Variants in GPATCH1 observed in about 807,000 individuals in gnomAD.
GPATCH1 encodes G-patch domain containing 1.
In GPATCH1, 73 loss-of-function variants were observed where a neutral mutation model predicts 114.9. That is an observed-to-expected ratio of 0.64 (90% CI 0.53 to 0.77). The LOEUF (loss-of-function observed/expected upper bound fraction) is 0.77. Among genes scored for constraint, GPATCH1 ranks in the 30% least tolerant of loss-of-function variants. The probability of loss-of-function intolerance (pLI) is 0.00; values close to 1 mark genes in which losing one functional copy is unlikely to be tolerated. For synonymous variants in GPATCH1, 391 were observed against 428.4 expected (o/e 0.91, Z 1.08); for missense variants, 1,058 against 1,144.3 (o/e 0.92, Z 1.09).
At chr19:33,099,248 G>A (rs922567611) in intron 8 of GPATCH1, among the ~76,000 whole-genome samples, 3 of 151,036 alleles carry the variant, frequency 2.0e-5, no homozygotes, top group East Asian at 3.9e-4. Context: ...GTATGAAATT[G>A]ATAATATCCT....
At chr19:33,081,436 C>T (rs1972475158) in intron 1 of GPATCH1, among the ~76,000 whole-genome samples, 170 bp downstream of exon 1, 1 of 152,070 alleles carries the variant, frequency 6.6e-6, no homozygotes, top group South Asian at 2.1e-4. Context: ...CCTTCTGCAG[C>T]GACAGAGAGA....
chr19:33,097,229 C>T (rs1274884469), intron 7 of GPATCH1, among the ~76,000 whole-genome samples: 1 of 152,246 alleles, frequency 6.6e-6, no homozygotes, highest in Admixed American at 6.5e-5. Context: ...CAGGCGTGAG[C>T]CACTGCGCCC....
chr19:33,085,096 A>G (rs1387570070), intron 1 of GPATCH1, among the ~76,000 whole-genome samples: 1 of 152,200 alleles, frequency 6.6e-6, no homozygotes, highest in Non-Finnish European at 1.5e-5. Context: ...GAAGTGCTCC[A>G]GTACGTGCAG....
chr19:33,083,106 T>TGG lies in GPATCH1; in HGVS notation c.73+1848_73+1849dup, dbSNP rs59963268. On this transcript the variant is annotated intron_variant, in intron 1 of 19. Transcript: ENST00000170564. ...ACAAAAAAAAATTAGCTGGGCGTGG[T>TGG]GGGGGGGGGCTCATGTAGTCCCAGC... is the stretch of plus-strand genomic sequence containing the variant. 9.7e-4 allele frequency among the ~76,000 whole-genome samples: 138 copies of TGG among 141,652 alleles called. 1 individual carries two copies. Among genetic ancestry groups the TGG allele is most frequent in the Non-Finnish European group, 1.3e-3 (81 of 64,486 alleles). The allele number at this position is 141,652 out of a possible 152,430, so 92.9% of individuals were successfully genotyped here.
intron 11 of GPATCH1, 64 bp downstream of exon 11, chr19:33,110,080 A>G (rs1972835434): frequency 7.5e-7 from 1 of 1,329,414 alleles, no homozygotes; most frequent in African/African-American, 1.5e-5. Context: ...CACTGTTCTC[A>G]TCCTAGACCC....
At chr19:33,100,256 A>G (rs1248369030) in intron 8 of GPATCH1, 1 of 152,068 alleles carries the variant, frequency 6.6e-6, no homozygotes, top group Admixed American at 6.6e-5. Flanking sequence ...TGAATCCCAC[A>G]TTACCTGAAG....
chr19:33,096,665 G>C (rs1972663680), intron 7 of GPATCH1, among the ~76,000 whole-genome samples: 1 of 151,772 alleles, frequency 6.6e-6, no homozygotes, highest in South Asian at 2.1e-4. Flanking sequence ...GTTTCGCTCT[G>C]TTACCCAGGC....
chr19:33,121,275 G>A (rs532613906), intron 17 of GPATCH1, among the ~76,000 whole-genome samples: 3 of 149,018 alleles, frequency 2.0e-5, no homozygotes, highest in African/African-American at 7.5e-5. Flanking sequence ...ACCACTGCAC[G>A]CAGCCAAGCC....
At chr19:33,111,385 GAAAAAA>G (rs10709432) in intron 11 of GPATCH1, among the ~76,000 whole-genome samples, 2 of 88,146 alleles carry the variant, frequency 2.3e-5, no homozygotes, top group African/African-American at 8.5e-5. Flanking sequence ...CTCCATCTCA[GAAAAAA>G]AAAAAAAAAA....
At position 33,130,144 on chromosome 19, in the gene GPATCH1, C is replaced by T. The variant is rs1973087878; in HGVS notation, c.2780C>T (p.Pro927Leu). 1.2e-6 allele frequency: 2 copies of T among 1,610,744 alleles called. No individual in the cohort carries two copies. The highest frequency in any genetic ancestry group is 3.3e-5 in the Admixed American group (2 of 59,946). ...QELLRRLKSL[P>L]LRRQ The stretch of plus-strand genomic sequence containing the variant: ...TTCTTTTCCAGGCTGAAAAGTCTTC[C>T]ACTAAGAAGGCAGTAATTGAATGCT... The change falls in exon 20 of 20, where the codon CCA becomes CTA. Residue 927 changes from proline to leucine, a missense_variant. Physicochemically the swap from Pro to Leu is moderately conservative, Grantham distance 98. This residue lies in a region of GPATCH1 where 893 missense variants were observed against 977.4 expected (regional missense o/e 0.91). Coordinates refer to ENST00000170564, the MANE Select transcript of GPATCH1 (RefSeq NM_018025.3).
At chr19:33,111,385 G>GAAAAAAA (rs10709432) in intron 11 of GPATCH1, among the ~76,000 whole-genome samples, 1 of 88,146 alleles carries the variant, frequency 1.1e-5, no homozygotes, top group Non-Finnish European at 2.3e-5. Flanking sequence ...CTCCATCTCA[G>GAAAAAAA]AAAAAAAAAA....
At chr19:33,088,734 G>A (rs1972562245) in intron 2 of GPATCH1, among the ~76,000 whole-genome samples, 1 of 143,948 alleles carries the variant, frequency 6.9e-6, no homozygotes, top group African/African-American at 2.7e-5. Flanking sequence ...TTGGCTCACT[G>A]CAACCTCCGC....
chr19:33,092,753 C>G (rs920242010), intron 3 of GPATCH1, among the ~76,000 whole-genome samples: 5 of 152,230 alleles, frequency 3.3e-5, no homozygotes, highest in African/African-American at 1.2e-4. Flanking sequence ...TTCACGCTGA[C>G]CTTTGAGATA....
rs1972649582 is a variant in GPATCH1 at position 33,095,703 on chromosome 19, G to A, written c.554-59G>A. 2.5e-6 allele frequency: 3 copies of A among 1,200,472 alleles called. No individual in the cohort carries two copies. In the Admixed American group the frequency reaches 5.0e-5, roughly 20 times the overall value. 74.4% of individuals were successfully genotyped at this position (1,200,472 alleles called of 1,614,324 possible). A position where few individuals can be genotyped will look rare whatever the true frequency, so the allele number is the denominator to read the frequency against. ...AGGTGTGATCCACCGCGCCCGGCCT[G>A]GTCGGGGTTTTCTATTTGTAGTCAC... On this transcript the variant is annotated intron_variant, in intron 5 of 19. Coordinates refer to ENST00000170564, the MANE Select transcript of GPATCH1 (RefSeq NM_018025.3).
rs1167304908 is a variant in GPATCH1, at chr19:33,114,290, C to T, written c.2067C>T (p.His689=). 9.3e-6 allele frequency: 15 copies of T among 1,612,914 alleles called. No homozygotes were observed. The highest frequency in any genetic ancestry group is 1.3e-5 in the African/African-American group (1 of 74,890). The part of the protein sequence containing the change: ...RKPSRWDTSK[H]EKKEDSISEF... ...CATCCAGATGGGATACCTCTAAACA[C>T]GAAAAGAAAGAAGATTCCATTAGTG... The change falls in exon 15 of 20, where the codon CAC becomes CAT. Residue 689 remains histidine, a synonymous_variant. Transcript: ENST00000170564.
chr19:33,102,027 C>CAAA lies in GPATCH1; in HGVS notation c.1080+469_1080+471dup, dbSNP rs563794335. Among the ~76,000 whole-genome samples the CAAA allele has an allele frequency of 6.8e-3, 625 of 92,246 alleles. 5 individuals carry two copies. The highest frequency in any genetic ancestry group is 0.011 in the Non-Finnish European group (504 of 44,946). The allele number at this position is 92,246 out of a possible 152,430, so 60.5% of individuals were successfully genotyped here. A position where few individuals can be genotyped will look rare whatever the true frequency, so the allele number is the denominator to read the frequency against. ...CTGGACAACACGTAAAACTCTGTCT[C>CAAA]AAAAAAAAAAAAAAAAAATCAGTTG... On this transcript the variant is annotated intron_variant, in intron 9 of 19. Coordinates refer to ENST00000170564, the MANE Select transcript of GPATCH1 (RefSeq NM_018025.3).
In GPATCH1 at chr19:33,130,069, G is replaced by C. The variant is rs1380808030; in HGVS notation, c.2766-61G>C. 3 of 1,254,000 alleles carry C rather than the reference G, an allele frequency of 2.4e-6. No homozygotes were observed. In the African/African-American group the frequency reaches 6.6e-5, roughly 28 times the overall value. The allele number at this position is 1,254,000 out of a possible 1,614,324, so 77.7% of individuals were successfully genotyped here. ...GCCTGGCATTCTCAGCCTCCACGGA[G>C]CTGTTTGGTTTTTCACTTTAGCTAA... On this transcript the variant is annotated intron_variant, in intron 19 of 19. Coordinates refer to ENST00000170564, the MANE Select transcript of GPATCH1 (RefSeq NM_018025.3).
At chr19:33,112,452 C>T (rs1204213094) in intron 12 of GPATCH1, 34 bp from the exon 13 acceptor site, 1 of 1,611,368 alleles carries the variant, frequency 6.2e-7, no homozygotes, top group Non-Finnish European at 8.5e-7. Context: ...GTGGTGCGGC[C>T]ACTTGATGGA....
rs141849180 is a variant in GPATCH1, at chr19:33,101,392, G to A, written c.1001-103G>A. 1.7e-3 allele frequency: 1,218 copies of A among 706,550 alleles called. 9 individuals carry two copies. The African/African-American group carries it at 0.019, about 11-fold the overall frequency. The allele number at this position is 706,550 out of a possible 1,614,324, so 43.8% of individuals were successfully genotyped here. A position where few individuals can be genotyped will look rare whatever the true frequency, so the allele number is the denominator to read the frequency against. On this transcript the variant is annotated intron_variant, in intron 8 of 19. Coordinates refer to ENST00000170564, the MANE Select transcript of GPATCH1 (RefSeq NM_018025.3). ...TGTTGAGTGATAGCATGTATGACAC[G>A]TACTATTTATGTTCTTAGAGATAAG...
Sources: allele counts gnomAD v4.1 joint callset (sites outside exome capture counted in the v4.1 genomes callset), GRCh38; gene constraint gnomAD v4.1.1; regional missense constraint gnomAD v4.1.1; transcripts MANE v1.5; gene names NCBI Gene and HGNC (gene_info 2026-07-23, HGNC 2026-07-21).